The following ANO10 variants were observed in gnomAD, a reference collection of about 807,000 sequenced individuals.
The protein encoded by ANO10 is anoctamin-10.
ANO10 carries 77 observed loss-of-function variants against 74.7 expected under a neutral mutation model. That is an observed-to-expected ratio of 1.03 (90% CI 0.86 to 1.25). The LOEUF is 1.25. Ranked by LOEUF, ANO10 falls within the 50% of genes most tolerant of loss-of-function variation. The probability of loss-of-function intolerance (pLI) is 0.00; values close to 1 mark genes in which losing one functional copy is unlikely to be tolerated. For synonymous variants in ANO10, 279 were observed against 284.9 expected, an observed-to-expected ratio of 0.98 and a Z score of 0.21; for missense variants, 721 against 778.1, an observed-to-expected ratio of 0.93 and a Z score of 0.87.
At chr3:43,648,805 T>C (rs1181717194) in intron 1 of ANO10, among the ~76,000 whole-genome samples, 3 of 151,634 alleles carry the variant, frequency 2.0e-5, no homozygotes, top group Admixed American at 1.3e-4. Flanking sequence ...GCCTCCCGAG[T>C]AGCTGGAACT....
chr3:43,672,207 G>A (rs72622910), intron 1 of ANO10, among the ~76,000 whole-genome samples: 7,574 of 152,146 alleles, frequency 0.05, 293 homozygotes, highest in South Asian at 0.12. Context: ...CAATCATTAC[G>A]ATTTGTGCTG....
chr3:43,578,313 C>T (rs2081105536), intron 5 of ANO10, among the ~76,000 whole-genome samples: 1 of 152,096 alleles, frequency 6.6e-6, no homozygotes, highest in Non-Finnish European at 1.5e-5. Context: ...AGATGACCTT[C>T]CCCTTTCAAT....
intron 1 of ANO10, among the ~76,000 whole-genome samples, chr3:43,648,442 T>C (rs932375902): frequency 6.6e-6 from 1 of 152,170 alleles, no homozygotes; most frequent in African/African-American, 2.4e-5. Flanking sequence ...GGCTACTCTA[T>C]AGACAGAGTA....
intron 11 of ANO10, chr3:43,485,135 G>A: frequency 1.2e-6 from 1 of 831,786 alleles, no homozygotes; most frequent in Non-Finnish European, 2.0e-6. Context: ...CTGGTGGAGT[G>A]ATCTGGATGG....
At chr3:43,433,404 C>T (rs2093020666) in intron 11 of ANO10, among the ~76,000 whole-genome samples, 1 of 152,122 alleles carries the variant, frequency 6.6e-6, no homozygotes, top group South Asian at 2.1e-4. Context: ...CCACTCTCTG[C>T]CCAATGTCCC....
At chr3:43,517,569 T>C (rs557427924) in intron 11 of ANO10, among the ~76,000 whole-genome samples, 2 of 152,164 alleles carry the variant, frequency 1.3e-5, no homozygotes, top group Non-Finnish European at 2.9e-5. Flanking sequence ...ACTCATTCTC[T>C]TTGAGTACAC....
At chr3:43,488,344 C>T (rs1267471530) in intron 11 of ANO10, among the ~76,000 whole-genome samples, 1 of 150,650 alleles carries the variant, frequency 6.6e-6, no homozygotes, top group Non-Finnish European at 1.5e-5. Context: ...TAAAGAGCTT[C>T]TGCACAGCAA....
At chr3:43,672,540 A>AAAAC (rs1040547259) in intron 1 of ANO10, among the ~76,000 whole-genome samples, 39 of 152,266 alleles carry the variant, frequency 2.6e-4, no homozygotes, top group Admixed American at 1.1e-3. Flanking sequence ...TAAAAATTAA[A>AAAAC]AAACAAACAA....
intron 1 of ANO10, chr3:43,690,988 C>T (rs898365392): frequency 2.5e-6 from 4 of 1,571,874 alleles, no homozygotes; most frequent in South Asian, 1.1e-5. Flanking sequence ...TGCGCGGCGG[C>T]GGCTATGGCG....
intron 11 of ANO10, among the ~76,000 whole-genome samples, chr3:43,518,927 T>A (rs2077828349): frequency 6.6e-6 from 1 of 152,156 alleles, no homozygotes; most frequent in Non-Finnish European, 1.5e-5. Flanking sequence ...TGCCTTGTGA[T>A]ATTTTATTGC....
intron 1 of ANO10, among the ~76,000 whole-genome samples, chr3:43,649,974 G>A (rs1282578227): frequency 6.6e-6 from 1 of 152,212 alleles, no homozygotes; most frequent in African/African-American, 2.4e-5. Flanking sequence ...GTGTGCTACA[G>A]TGCACTCTTT....
chr3:43,414,628 A>T (rs2092710933), intron 12 of ANO10, among the ~76,000 whole-genome samples: 1 of 152,204 alleles, frequency 6.6e-6, no homozygotes, highest in African/African-American at 2.4e-5. Flanking sequence ...ATACAGTGGG[A>T]TAGTAAATAT....
rs527701443 is a variant in ANO10, at chr3:43,565,584, C to T, written c.1293+69G>A. 1.1e-4 allele frequency: 128 copies of T among 1,136,782 alleles called. No individual in the cohort carries two copies. The African/African-American group carries it at 1.8e-3, about 16-fold the overall frequency. The allele number at this position is 1,136,782 out of a possible 1,614,324, so 70.4% of individuals were successfully genotyped here. ...TGTAAAAATAATTTGAAGGCAATTA[C>T]AGCATCTAAAGATAGAAAACCACCT... On this transcript the variant is annotated intron_variant, in intron 8 of 12. Transcript: ENST00000292246.
chr3:43,602,450 C>T (rs921463376), intron 2 of ANO10, among the ~76,000 whole-genome samples: 6 of 152,190 alleles, frequency 3.9e-5, no homozygotes, highest in African/African-American at 1.4e-4. Context: ...GATTCTCCTG[C>T]TTCCGTCTCC....
At chr3:43,472,085 G>A (rs535503202) in intron 11 of ANO10, among the ~76,000 whole-genome samples, 6 of 152,300 alleles carry the variant, frequency 3.9e-5, no homozygotes, top group African/African-American at 1.2e-4. Context: ...ATTGATAAAT[G>A]CAATAACATG....
chr3:43,441,597 C>T (rs554390110), intron 11 of ANO10, among the ~76,000 whole-genome samples: 48 of 152,172 alleles, frequency 3.2e-4, no homozygotes, highest in African/African-American at 9.9e-4. Flanking sequence ...AGAATTACCA[C>T]CAATACACCT....
chr3:43,553,847 T>C lies in ANO10; in HGVS notation c.1668+1431A>G, dbSNP rs150939346. Among the ~76,000 whole-genome samples the C allele has an allele frequency of 5.3e-5, 8 of 152,294 alleles. No individual in the cohort carries two copies. In the East Asian group the frequency reaches 1.5e-3, roughly 29 times the overall value. On this transcript the variant is annotated intron_variant, in intron 10 of 12. Transcript: ENST00000292246. ...ACAGCACCCAGCTGATAATTTCTTT[T>C]ATTCTATTTTCCAGTTTCTGATTCT...
chr3:43,483,962 G>T (rs1473349258), intron 11 of ANO10, among the ~76,000 whole-genome samples: 1 of 152,120 alleles, frequency 6.6e-6, no homozygotes, highest in Non-Finnish European at 1.5e-5. Flanking sequence ...TTTGATACAG[G>T]GTCTCATTCT....
intron 7 of ANO10, 116 bp from the exon 8 acceptor site, chr3:43,565,843 G>C (rs555537915): frequency 5.2e-5 from 56 of 1,067,702 alleles, no homozygotes; most frequent in African/African-American, 4.8e-4. Context: ...CAAGAGGGCC[G>C]AATAGGAACA....
Sources: allele counts gnomAD v4.1 joint callset (sites outside exome capture counted in the v4.1 genomes callset), GRCh38; gene constraint gnomAD v4.1.1; transcripts MANE v1.5; gene names NCBI Gene and HGNC (gene_info 2026-07-23, HGNC 2026-07-21).